The following SPATA16 variants were observed in gnomAD, a reference collection of about 807,000 sequenced individuals.
SPATA16 encodes the protein spermatogenesis associated 16.
SPATA16 carries 36 observed loss-of-function variants against 63.3 expected under a neutral mutation model. That is an observed-to-expected ratio of 0.57 (90% CI 0.44 to 0.75). SPATA16 has a LOEUF of 0.75. Among genes scored for constraint, SPATA16 ranks in the 30% least tolerant of loss-of-function variants. The pLI, the probability that SPATA16 is intolerant of heterozygous loss-of-function variation, is 0.00. For missense variants in SPATA16, 646 were observed against 679.3 expected (o/e 0.95, Z 0.54); for synonymous variants, 203 against 216.7 (o/e 0.94, Z 0.56).
chr3:173,074,345 A>C (rs1363801957), intron 2 of SPATA16, among the ~76,000 whole-genome samples: 1 of 152,130 alleles, frequency 6.6e-6, no homozygotes, highest in Non-Finnish European at 1.5e-5. Context: ...GTCCCCATCC[A>C]AATCTTATCT....
chr3:172,978,123 C>G (rs897020656), intron 4 of SPATA16, among the ~76,000 whole-genome samples: 2 of 149,496 alleles, frequency 1.3e-5, no homozygotes, highest in East Asian at 3.9e-4. Flanking sequence ...TTATTCAGCT[C>G]TCTCTCTCTC....
chr3:172,977,430 C>T (rs906579269), intron 4 of SPATA16, among the ~76,000 whole-genome samples: 30 of 152,028 alleles, frequency 2.0e-4, no homozygotes, highest in African/African-American at 7.2e-4. Flanking sequence ...CCTAGCATAG[C>T]GTATATAGCT....
intron 10 of SPATA16, among the ~76,000 whole-genome samples, chr3:172,911,869 A>G (rs962677256): frequency 6.6e-6 from 1 of 152,202 alleles, no homozygotes; most frequent in Non-Finnish European, 1.5e-5. Flanking sequence ...AGACACCAGC[A>G]TATCTCACCT....
chr3:173,022,763 A>G (rs1367428873), intron 3 of SPATA16, among the ~76,000 whole-genome samples: 10 of 152,210 alleles, frequency 6.6e-5, no homozygotes, highest in African/African-American at 2.4e-4. Context: ...AAAAACTACA[A>G]TTGTAATCAG....
At chr3:173,140,273 T>G (rs1738673725) in intron 1 of SPATA16, among the ~76,000 whole-genome samples, 1 of 152,184 alleles carries the variant, frequency 6.6e-6, no homozygotes, top group African/African-American at 2.4e-5. Flanking sequence ...TCTTTCAAAC[T>G]AAGTCTTACT....
chr3:172,985,157 T>C (rs2108257114), intron 4 of SPATA16, among the ~76,000 whole-genome samples: 1 of 152,330 alleles, frequency 6.6e-6, no homozygotes, highest in Middle Eastern at 3.4e-3. Flanking sequence ...TGCATGCTTG[T>C]CTCACTAGCA....
chr3:173,029,406 G>GTTTTTTTTTTTTTTTTTTTTTTTTTTTTT (rs57233262), intron 3 of SPATA16, among the ~76,000 whole-genome samples: 1 of 139,850 alleles, frequency 7.2e-6, no homozygotes. Context: ...AGTAATCAGA[G>GTTTTTTTTTTTTTTTTTTTTTTTTTTTTT]TTTTTTTTTT....
At chr3:172,972,848 A>G (rs992173901) in intron 5 of SPATA16, among the ~76,000 whole-genome samples, 2 of 152,176 alleles carry the variant, frequency 1.3e-5, no homozygotes, top group African/African-American at 4.8e-5. Flanking sequence ...TTTTGTTCAG[A>G]CAGCCTTAAA....
chr3:173,041,650 T>C (rs1399215230), intron 3 of SPATA16, among the ~76,000 whole-genome samples: 1 of 152,116 alleles, frequency 6.6e-6, no homozygotes, highest in Non-Finnish European at 1.5e-5. Context: ...ATGTTCCCTA[T>C]TATTTTACTA....
chr3:173,088,008 G>GTCTTTCTT (rs57997275), intron 2 of SPATA16, among the ~76,000 whole-genome samples: 3,536 of 90,498 alleles, frequency 0.039, 113 homozygotes, highest in East Asian at 0.054. Flanking sequence ...TTTTCTTTCC[G>GTCTTTCTT]TCTTTCTTTC....
At chr3:172,953,240 G>A (rs1320935441) in intron 6 of SPATA16, among the ~76,000 whole-genome samples, 1 of 152,074 alleles carries the variant, frequency 6.6e-6, no homozygotes, top group African/African-American at 2.4e-5. Context: ...AATGTTCGCT[G>A]AATAAATGAA....
intron 10 of SPATA16, among the ~76,000 whole-genome samples, chr3:172,900,320 C>T (rs1732102842): frequency 6.6e-6 from 1 of 152,166 alleles, no homozygotes; most frequent in Non-Finnish European, 1.5e-5. Flanking sequence ...CATCATTTCC[C>T]TCTTGCTGCT....
At chr3:172,991,167 C>T (rs34583931) in intron 4 of SPATA16, among the ~76,000 whole-genome samples, 12,351 of 151,972 alleles carry the variant, frequency 0.081, 710 homozygotes, top group East Asian at 0.15. Context: ...TTAGATGTCA[C>T]GGTTTCAATG....
intron 2 of SPATA16, among the ~76,000 whole-genome samples, chr3:173,106,399 G>T (rs1012568299): frequency 2.0e-5 from 3 of 152,128 alleles, no homozygotes; most frequent in African/African-American, 7.2e-5. Flanking sequence ...CAAATAAAAT[G>T]TCTACTATAT....
At chr3:172,904,442 G>A (rs1007428834) in intron 10 of SPATA16, among the ~76,000 whole-genome samples, 29 of 152,146 alleles carry the variant, frequency 1.9e-4, no homozygotes, top group African/African-American at 7.0e-4. Context: ...CGAGCTCCTG[G>A]ATACATGCTC....
At chr3:173,011,592 G>A (rs1302702117) in intron 4 of SPATA16, among the ~76,000 whole-genome samples, 1 of 152,058 alleles carries the variant, frequency 6.6e-6, no homozygotes, top group African/African-American at 2.4e-5. Flanking sequence ...ACATCGTACT[G>A]CAAGTCCTAG....
At position 173,056,676 on chromosome 3, in the gene SPATA16, C is replaced by A. The variant is rs550734026; in HGVS notation, c.613-7582G>T. Among the ~76,000 whole-genome samples the A allele has an allele frequency of 6.0e-5, 8 of 132,934 alleles. No homozygotes were observed. The South Asian group carries it at 1.9e-3, about 31-fold the overall frequency. The allele number at this position is 132,934 out of a possible 152,430, so 87.2% of individuals were successfully genotyped here. The stretch of plus-strand genomic sequence containing the variant: ...CCGAGATAGTGCCATTGTACTCCAG[C>A]CTGGAGCAACAGAGTGAGACTCTTG... On this transcript the variant is annotated intron_variant, in intron 2 of 10. Transcript: ENST00000351008.
At chr3:173,105,991 CT>C (rs2108328575) in intron 2 of SPATA16, among the ~76,000 whole-genome samples, 1 of 152,140 alleles carries the variant, frequency 6.6e-6, no homozygotes, top group Admixed American at 6.5e-5. Flanking sequence ...TATTCCATTC[CT>C]TTCTATGATT....
chr3:173,044,888 A>T (rs564125898), intron 3 of SPATA16, among the ~76,000 whole-genome samples: 80 of 152,098 alleles, frequency 5.3e-4, no homozygotes, highest in African/African-American at 1.9e-3. Flanking sequence ...TTTAATCTTA[A>T]GGTGTGGTCC....
Sources: gnomAD v4.1 joint callset for allele counts (sites outside exome capture counted in the v4.1 genomes callset) on GRCh38, gnomAD v4.1.1 for gene constraint, MANE v1.5 for transcripts, NCBI Gene and HGNC (gene_info 2026-07-23, HGNC 2026-07-21) for gene names.